The following PCDHA1 variants were observed in gnomAD, a reference collection of about 807,000 sequenced individuals.
The protein encoded by PCDHA1 is protocadherin alpha 1.
PCDHA1 carries 42 observed loss-of-function variants against 61.3 expected under a neutral mutation model. The ratio of observed to expected loss-of-function variants is 0.69; its 90% CI spans 0.54 to 0.89. The LOEUF (loss-of-function observed/expected upper bound fraction) is 0.89, where lower values mean the gene tolerates loss of function less well. PCDHA1 is among the 40% of genes least tolerant of loss of function. The pLI is 0.00. For synonymous variants in PCDHA1, 610 were observed against 553.8 expected, an observed-to-expected ratio of 1.10 and a Z score of -1.43; for missense variants, 1,256 against 1,235.3, an observed-to-expected ratio of 1.02 and a Z score of -0.25.
At position 141,010,088 on chromosome 5, in the gene PCDHA1, C is replaced by T. The variant is rs1165296922; in HGVS notation, c.*151C>T. ...GAAAGTTCCCTGTGTCTGTCTAGAA[C>T]GCATTTAACAGGTTTTGTCGTAAAA... On this transcript the variant is annotated 3_prime_UTR_variant, in exon 4 of 4. Transcript: ENST00000504120. 2.0e-5 allele frequency: 33 copies of T among 1,612,012 alleles called. No homozygotes were observed. Among genetic ancestry groups the T allele is most frequent in the South Asian group, 4.4e-5 (4 of 90,728 alleles).
chr5:140,844,617 C>G lies in PCDHA1; in HGVS notation c.2394+55933C>G, dbSNP rs1271034254. 1.3e-5 allele frequency among the ~76,000 whole-genome samples: 2 copies of G among 149,204 alleles called. 1 individual carries two copies. The highest frequency in any genetic ancestry group is 4.9e-5 in the African/African-American group (2 of 40,768). ...AATATATGACTTAGAAAAATGTTTT[C>G]ATCAGAAAAACTATACATGATAATT... On this transcript the variant is annotated intron_variant, in intron 1 of 3. Coordinates refer to ENST00000504120, the MANE Select transcript of PCDHA1 (RefSeq NM_018900.4).
intron 1 of PCDHA1, chr5:140,883,833 C>G: frequency 6.2e-7 from 1 of 1,612,590 alleles, no homozygotes; most frequent in Non-Finnish European, 8.5e-7. Flanking sequence ...GCGCTGCAGC[C>G]GTTGGACCAC....
chr5:140,869,429 T>C lies in PCDHA1; in HGVS notation c.2394+80745T>C, dbSNP rs1006497068. ...GAGTGCAGCATCCACCTGGAGGTGA[T>C]CGTGGACAGGCCGCTGCAGGTTTTC... is the stretch of plus-strand genomic sequence containing the variant. On this transcript the variant is annotated intron_variant, in intron 1 of 3. Coordinates refer to ENST00000504120, the MANE Select transcript of PCDHA1 (RefSeq NM_018900.4). The C allele has an allele frequency of 2.2e-5, 35 of 1,614,074 alleles. No homozygotes were observed. The highest frequency in any genetic ancestry group is 3.0e-5 in the Non-Finnish European group (35 of 1,180,048).
At chr5:140,924,646 G>A (rs2081930568) in intron 1 of PCDHA1, among the ~76,000 whole-genome samples, 1 of 152,122 alleles carries the variant, frequency 6.6e-6, no homozygotes, top group Non-Finnish European at 1.5e-5. Context: ...TGTAATCCCA[G>A]CACTTTGGGA....
chr5:141,004,948 C>G (rs1356526927), intron 3 of PCDHA1, among the ~76,000 whole-genome samples: 1 of 152,236 alleles, frequency 6.6e-6, no homozygotes, highest in Non-Finnish European at 1.5e-5. Context: ...TTCTTACCCT[C>G]TCTCGTCACT....
At chr5:140,802,232 T>C (rs1554121962) in intron 1 of PCDHA1, 3 of 1,614,226 alleles carry the variant, frequency 1.9e-6, no homozygotes, top group Non-Finnish European at 2.5e-6. Context: ...ACATCAATGA[T>C]AATGTACCTG....
chr5:140,810,753 C>T (rs1211252103), intron 1 of PCDHA1: 7 of 151,876 alleles, frequency 4.6e-5, no homozygotes, highest in African/African-American at 1.5e-4. Context: ...ATCTTGTATT[C>T]TGAACATAAC....
intron 1 of PCDHA1, chr5:140,852,983 A>T (rs1409156147): frequency 3.0e-6 from 1 of 337,908 alleles, no homozygotes; most frequent in Non-Finnish European, 4.4e-6. Context: ...TGTTCACGCC[A>T]TTCTCCTGCC....
intron 1 of PCDHA1, among the ~76,000 whole-genome samples, chr5:140,893,595 T>C (rs13187419): frequency 0.05 from 7,691 of 152,298 alleles, 276 homozygotes; most frequent in Non-Finnish European, 0.072. Context: ...GGAAATACTT[T>C]ATTTCTCCTT....
intron 1 of PCDHA1, chr5:140,809,672 T>A: frequency 7.2e-7 from 1 of 1,380,526 alleles, no homozygotes; most frequent in Non-Finnish European, 9.8e-7. Context: ...TGGGTTAAAA[T>A]TTTACCTCTT....
intron 1 of PCDHA1, among the ~76,000 whole-genome samples, chr5:140,931,212 T>A (rs556351535): frequency 3.5e-4 from 54 of 152,168 alleles, no homozygotes; most frequent in Non-Finnish European, 3.5e-4. Context: ...GTATTTCAGG[T>A]ATCAGAGCAC....
Position 140,962,743 on chromosome 5 carries a change from A to T in PCDHA1, c.2395-16206A>T, listed in dbSNP as rs1298793627. 2.0e-5 allele frequency among the ~76,000 whole-genome samples: 3 copies of T among 152,324 alleles called. No individual in the cohort carries two copies. The East Asian group carries it at 5.8e-4, about 29-fold the overall frequency. On this transcript the variant is annotated intron_variant, in intron 1 of 3. Coordinates refer to ENST00000504120, the MANE Select transcript of PCDHA1 (RefSeq NM_018900.4). Reference sequence around the variant, plus strand: ...ATTTTCCTTCTGGGGATGCATGAAGATCAGGAATCCTATTCGTTTTTAACA... The same window carrying T: ...ATTTTCCTTCTGGGGATGCATGAAGTTCAGGAATCCTATTCGTTTTTAACA...
Position 140,870,808 on chromosome 5 carries a change from G to A in PCDHA1, c.2394+82124G>A, listed in dbSNP as rs368477795. 1.9e-5 allele frequency: 30 copies of A among 1,613,692 alleles called. No individual in the cohort carries two copies. The highest frequency in any genetic ancestry group is 3.3e-5 in the South Asian group (3 of 91,076). On this transcript the variant is annotated intron_variant, in intron 1 of 3. Coordinates refer to ENST00000504120, the MANE Select transcript of PCDHA1 (RefSeq NM_018900.4). ...CGCGCCGGCACTGCTGGCGACTCAGGCTGGCAGCGCGGGAGGCGCAGTTAA... is the reference window on the plus strand; with the variant it reads ...CGCGCCGGCACTGCTGGCGACTCAGACTGGCAGCGCGGGAGGCGCAGTTAA...
At chr5:140,802,572 G>A (rs1312440472) in intron 1 of PCDHA1, 1 of 1,613,778 alleles carries the variant, frequency 6.2e-7, no homozygotes, top group African/African-American at 1.3e-5. Flanking sequence ...CTCGCAGTCC[G>A]AGTACACGGT....
At chr5:140,872,910 T>C (rs2053978401) in intron 1 of PCDHA1, among the ~76,000 whole-genome samples, 2 of 152,232 alleles carry the variant, frequency 1.3e-5, no homozygotes, top group African/African-American at 4.8e-5. Context: ...CTCTATCTTG[T>C]AATGCCTTAT....
intron 1 of PCDHA1, chr5:140,796,423 A>T (rs942944199): frequency 1.2e-6 from 2 of 1,613,682 alleles, no homozygotes; most frequent in African/African-American, 2.7e-5. Context: ...CGCGCAGGAG[A>T]ACGCGCTGGT....
intron 3 of PCDHA1, among the ~76,000 whole-genome samples, chr5:140,992,330 C>A (rs1240004004): frequency 6.6e-6 from 1 of 152,070 alleles, no homozygotes. Context: ...TTTCTAAGAG[C>A]AAAGATGGAA....
At chr5:140,912,797 G>C (rs2076071117) in intron 1 of PCDHA1, among the ~76,000 whole-genome samples, 1 of 152,128 alleles carries the variant, frequency 6.6e-6, no homozygotes, top group South Asian at 2.1e-4. Flanking sequence ...CAATTTTCTT[G>C]AGGGTTTTTA....
chr5:140,984,754 A>G (rs2097118359), intron 3 of PCDHA1, among the ~76,000 whole-genome samples: 1 of 152,158 alleles, frequency 6.6e-6, no homozygotes, highest in Admixed American at 6.5e-5. Context: ...ATTTGAGTTG[A>G]ATTCTAATCC....
Sources: gnomAD v4.1 joint callset for allele counts (sites outside exome capture counted in the v4.1 genomes callset) on GRCh38, gnomAD v4.1.1 for gene constraint, MANE v1.5 for transcripts, NCBI Gene and HGNC (gene_info 2026-07-23, HGNC 2026-07-21) for gene names.